Variants in CWC27 observed in about 807,000 individuals in gnomAD.
CWC27 encodes the protein spliceosome-associated protein CWC27 homolog.
Under a neutral mutation model 63.6 loss-of-function variants are expected in CWC27, and 47 were observed. The observed-to-expected ratio is 0.74, with a 90% confidence interval of 0.58 to 0.94. The LOEUF is 0.94. Among genes scored for constraint, CWC27 ranks in the 40% least tolerant of loss-of-function variants. The pLI is 0.00. For missense variants in CWC27, 495 were observed against 554.3 expected, an observed-to-expected ratio of 0.89 and a Z score of 1.07; for synonymous variants, 175 against 179.8, an observed-to-expected ratio of 0.97 and a Z score of 0.22.
At chr5:64,988,602 ATTT>A (rs34138527) in intron 13 of CWC27, among the ~76,000 whole-genome samples, 9 of 126,964 alleles carry the variant, frequency 7.1e-5, no homozygotes, top group Non-Finnish European at 8.3e-5. Context: ...CTGTTAGACT[ATTT>A]TTTTTTTTTT....
chr5:64,846,993 C>CAAAAAAA (rs35090437), intron 10 of CWC27, among the ~76,000 whole-genome samples: 60 of 85,786 alleles, frequency 7.0e-4, no homozygotes, highest in East Asian at 2.0e-3. Flanking sequence ...GACTCCATCT[C>CAAAAAAA]AAAAAAAAAA....
intron 10 of CWC27, among the ~76,000 whole-genome samples, chr5:64,881,052 T>C (rs909442684): frequency 6.6e-6 from 1 of 151,998 alleles, no homozygotes; most frequent in African/African-American, 2.4e-5. Flanking sequence ...TTCCAAAGAA[T>C]GTAAGATTGG....
rs913998619 is a variant in CWC27, at chr5:64,983,818, T to C, written c.1256+6580T>C. On this transcript the variant is annotated intron_variant, in intron 13 of 13. Coordinates refer to ENST00000381070, the MANE Select transcript of CWC27 (RefSeq NM_005869.4). ...TCTCACACAAAGTAGTATTTAAATATATTCTTTTACTTTTGTTGTTGTTGT... is the reference window on the plus strand; with the variant it reads ...TCTCACACAAAGTAGTATTTAAATACATTCTTTTACTTTTGTTGTTGTTGT... Among the ~76,000 whole-genome samples, 8 of 152,132 alleles carry C rather than the reference T, an allele frequency of 5.3e-5. No homozygotes were observed. The East Asian group carries it at 1.3e-3, about 26-fold the overall frequency.
intron 11 of CWC27, among the ~76,000 whole-genome samples, chr5:64,951,135 A>C (rs1252512356): frequency 6.6e-6 from 1 of 151,932 alleles, no homozygotes; most frequent in African/African-American, 2.4e-5. Context: ...ATGGTAGTTC[A>C]TAAGAAACTG....
At chr5:64,940,842 CTTTTTTTTTTTT>C (rs70983655) in intron 11 of CWC27, among the ~76,000 whole-genome samples, 7 of 64,964 alleles carry the variant, frequency 1.1e-4, no homozygotes, top group Non-Finnish European at 1.5e-4. Context: ...TTCTTTCTTT[CTTTTTTTTTTTT>C]TTTTTTTTTT....
chr5:64,924,089 T>G (rs1028493901), intron 11 of CWC27, among the ~76,000 whole-genome samples: 1 of 152,220 alleles, frequency 6.6e-6, no homozygotes, highest in Non-Finnish European at 1.5e-5. Flanking sequence ...AATTAATTCC[T>G]AATTGGTTTC....
At chr5:64,973,087 A>G (rs1749154582) in intron 12 of CWC27, among the ~76,000 whole-genome samples, 1 of 152,218 alleles carries the variant, frequency 6.6e-6, no homozygotes, top group Non-Finnish European at 1.5e-5. Flanking sequence ...AACAGTGCGT[A>G]CATGAAAAGT....
chr5:64,856,468 A>ATG (rs10640210), intron 10 of CWC27, among the ~76,000 whole-genome samples: 2,652 of 149,664 alleles, frequency 0.018, 43 homozygotes, highest in African/African-American at 0.047. Context: ...GTGTGTGTGT[A>ATG]TGTGTGTGTG....
intron 13 of CWC27, among the ~76,000 whole-genome samples, chr5:65,008,116 A>G (rs1749884546): frequency 6.6e-6 from 1 of 152,258 alleles, no homozygotes; most frequent in African/African-American, 2.4e-5. Context: ...ATAACACTAA[A>G]GAAATCTAAA....
At chr5:64,922,693 C>G (rs749995828) in intron 11 of CWC27, among the ~76,000 whole-genome samples, 10 of 152,212 alleles carry the variant, frequency 6.6e-5, no homozygotes, top group Non-Finnish European at 1.3e-4. Context: ...AGAAAACACT[C>G]TGACTGTTAG....
intron 11 of CWC27, among the ~76,000 whole-genome samples, chr5:64,947,695 A>G (rs1008109873): frequency 2.0e-5 from 3 of 152,106 alleles, no homozygotes; most frequent in African/African-American, 7.2e-5. Flanking sequence ...GTGATCTTCT[A>G]GAAAGAGAGA....
At chr5:64,970,270 T>C (rs1239961508) in intron 11 of CWC27, among the ~76,000 whole-genome samples, 5 of 150,756 alleles carry the variant, frequency 3.3e-5, no homozygotes, top group African/African-American at 1.2e-4. Context: ...TGGAGTGCAG[T>C]GGCGCGATCT....
At position 64,827,170 on chromosome 5, in the gene CWC27, C is replaced by T. The variant is rs867055243; in HGVS notation, c.938+22784C>T. Among the ~76,000 whole-genome samples the T allele has an allele frequency of 3.3e-4, 50 of 152,218 alleles. 1 individual carries two copies. Among genetic ancestry groups the T allele is most frequent in the Admixed American group, 1.2e-3 (19 of 15,286 alleles). The stretch of plus-strand genomic sequence containing the variant: ...TGATATTTGTATTTAATTTACAATT[C>T]ATTTAACACAAAATTGTAAACTTCT... On this transcript the variant is annotated intron_variant, in intron 10 of 13. Transcript: ENST00000381070.
intron 13 of CWC27, among the ~76,000 whole-genome samples, chr5:64,982,317 A>G (rs1749343105): frequency 6.6e-6 from 1 of 152,084 alleles, no homozygotes; most frequent in African/African-American, 2.4e-5. Context: ...GGGTGAAATG[A>G]CAACAAATGA....
At chr5:64,790,035 C>T (rs1744019717) in intron 7 of CWC27, among the ~76,000 whole-genome samples, 1 of 152,116 alleles carries the variant, frequency 6.6e-6, no homozygotes, top group Non-Finnish European at 1.5e-5. Context: ...AGTAAGCACT[C>T]TACTTAATAC....
At chr5:64,826,705 T>G (rs1187556962) in intron 10 of CWC27, among the ~76,000 whole-genome samples, 3 of 142,374 alleles carry the variant, frequency 2.1e-5, no homozygotes, top group Admixed American at 6.8e-5. Context: ...GTTTTTTTGT[T>G]TTTTTTTTTT....
chr5:64,949,626 ATGGGCTATAATTT>A, intron 11 of CWC27, among the ~76,000 whole-genome samples: 6 of 152,002 alleles, frequency 3.9e-5, no homozygotes, highest in African/African-American at 1.4e-4. Context: ...AAGGCCCTAT[ATGGGCTATAATTT>A]GCCTGCCACA....
At position 64,831,815 on chromosome 5, in the gene CWC27, A is replaced by G. The variant is rs112160961; in HGVS notation, c.938+27429A>G. 4.9e-3 allele frequency among the ~76,000 whole-genome samples: 749 copies of G among 152,044 alleles called. 6 individuals carry two copies. Among genetic ancestry groups the G allele is most frequent in the African/African-American group, 0.017 (706 of 41,536 alleles). On this transcript the variant is annotated intron_variant, in intron 10 of 13. Transcript: ENST00000381070. Reference sequence around the variant, plus strand: ...ATAACCATTTTGCCAAAAAAAATTGAGTGGTTTTATTTTACATTTTTATAA... The same window carrying G: ...ATAACCATTTTGCCAAAAAAAATTGGGTGGTTTTATTTTACATTTTTATAA...
At chr5:64,904,627 T>G (rs1747584254) in intron 11 of CWC27, among the ~76,000 whole-genome samples, 1 of 152,234 alleles carries the variant, frequency 6.6e-6, no homozygotes, top group Admixed American at 6.5e-5. Context: ...TTCTGTAAAG[T>G]GACACATGTC....
Sources: allele counts gnomAD v4.1 joint callset (sites outside exome capture counted in the v4.1 genomes callset), GRCh38; gene constraint gnomAD v4.1.1; transcripts MANE v1.5; gene names NCBI Gene and HGNC (gene_info 2026-07-23, HGNC 2026-07-21).